AGMO: variants seen among roughly 807,000 people sequenced by gnomAD.
AGMO encodes glyceryl-ether monooxygenase.
AGMO carries 75 observed loss-of-function variants against 60.2 expected under a neutral mutation model. The observed-to-expected ratio is 1.25, with a 90% CI of 1.03 to 1.51. The LOEUF (loss-of-function observed/expected upper bound fraction) is 1.51. Among genes scored for constraint, AGMO ranks in the 40% most tolerant of loss-of-function variants. AGMO has a pLI of 0.00. For missense variants in AGMO, 763 were observed against 525.5 expected (o/e 1.45, Z -4.42); for synonymous variants, 261 against 177.1 (o/e 1.47, Z -3.76).
chr7:15,351,334 TGAAAGA>T (rs148639872), intron 12 of AGMO, among the ~76,000 whole-genome samples: 49 of 152,254 alleles, frequency 3.2e-4, no homozygotes, highest in African/African-American at 1.2e-3. Context: ...TTGCAAGACT[TGAAAGA>T]GATATAACAT....
chr7:15,180,736 A>G, the AGMO span, among the ~76,000 whole-genome samples: 2 of 152,166 alleles, frequency 1.3e-5, 1 homozygote, highest in Admixed American at 1.3e-4. Flanking sequence ...GGTGTTTGTA[A>G]CAGCAGCAGC....
At chr7:15,494,076 G>C (rs112838590) in intron 3 of AGMO, among the ~76,000 whole-genome samples, 2 of 152,198 alleles carry the variant, frequency 1.3e-5, no homozygotes, top group South Asian at 4.2e-4. Flanking sequence ...GGGTTAAGGA[G>C]TTTAAGGTCA....
At chr7:15,256,575 G>A (rs978796931) in intron 12 of AGMO, among the ~76,000 whole-genome samples, 2 of 152,122 alleles carry the variant, frequency 1.3e-5, no homozygotes, top group African/African-American at 4.8e-5. Flanking sequence ...TATTAGCCAG[G>A]ATGGTCTAGA....
intron 12 of AGMO, among the ~76,000 whole-genome samples, chr7:15,284,127 T>C (rs560188146): frequency 4.6e-5 from 7 of 152,080 alleles, no homozygotes; most frequent in African/African-American, 1.7e-4. Context: ...CATCAAAAAG[T>C]ATAAAAGATC....
intron 10 of AGMO, among the ~76,000 whole-genome samples, chr7:15,374,856 T>C (rs760288518): frequency 2.6e-5 from 4 of 151,920 alleles, no homozygotes; most frequent in Non-Finnish European, 5.9e-5. Context: ...GGAAGAGTTA[T>C]GCATAGAGAA....
At chr7:15,273,181 T>C (rs546519281) in intron 12 of AGMO, among the ~76,000 whole-genome samples, 1 of 152,334 alleles carries the variant, frequency 6.6e-6, no homozygotes, top group African/African-American at 2.4e-5. Flanking sequence ...CTTTTGGTGT[T>C]TTAGGCATGA....
intron 2 of AGMO, among the ~76,000 whole-genome samples, chr7:15,553,866 C>G (rs1436938151): frequency 1.3e-5 from 2 of 152,064 alleles, no homozygotes; most frequent in African/African-American, 4.8e-5. Flanking sequence ...TGAAATATGC[C>G]TAACATACTA....
chr7:15,392,315 C>CCGCG (rs1784176515), intron 6 of AGMO, among the ~76,000 whole-genome samples: 1 of 129,452 alleles, frequency 7.7e-6, no homozygotes, highest in Admixed American at 7.4e-5. Context: ...ACCTCGTGAT[C>CCGCG]CGCGATCCGC....
chr7:15,517,549 G>A lies in AGMO; in HGVS notation c.409+27223C>T, dbSNP rs149368185. Among the ~76,000 whole-genome samples, 597 of 151,710 alleles carry A rather than the reference G, an allele frequency of 3.9e-3. 4 individuals carry two copies. Among genetic ancestry groups the A allele is most frequent in the East Asian group, 0.027 (138 of 5,078 alleles). On this transcript the variant is annotated intron_variant, in intron 3 of 12. Transcript: ENST00000342526. ...AGCAGGGTGGGGCATCGCCTCACCC[G>A]GGAAGTGCAAGGGGTCAGGAACTCC...
intron 3 of AGMO, among the ~76,000 whole-genome samples, chr7:15,494,854 G>A (rs534201708): frequency 4.6e-5 from 7 of 152,342 alleles, no homozygotes; most frequent in Admixed American, 3.9e-4. Flanking sequence ...TCTCTCGCAA[G>A]CCTGTTGCAA....
At chr7:15,231,672 T>C (rs1201197823) in intron 12 of AGMO, among the ~76,000 whole-genome samples, 5 of 152,208 alleles carry the variant, frequency 3.3e-5, no homozygotes. Context: ...CAGACCTGGG[T>C]TAAGATTATA....
chr7:15,171,400 C>G, the AGMO span, among the ~76,000 whole-genome samples: 1 of 152,172 alleles, frequency 6.6e-6, no homozygotes, highest in African/African-American at 2.4e-5. Flanking sequence ...TGATCACCCA[C>G]CACAGTAGTA....
At chr7:15,266,076 G>C (rs1001268489) in intron 12 of AGMO, among the ~76,000 whole-genome samples, 3 of 152,072 alleles carry the variant, frequency 2.0e-5, no homozygotes, top group African/African-American at 7.2e-5. Flanking sequence ...GCTACTTATA[G>C]TAGTCAAAAT....
At chr7:15,323,716 C>G (rs1249589912) in intron 12 of AGMO, among the ~76,000 whole-genome samples, 2 of 152,210 alleles carry the variant, frequency 1.3e-5, no homozygotes, top group Non-Finnish European at 2.9e-5. Context: ...AAAAGACTGC[C>G]TCCTGACTCT....
intron 3 of AGMO, among the ~76,000 whole-genome samples, chr7:15,474,054 A>T (rs1460098044): frequency 2.6e-5 from 4 of 152,142 alleles, no homozygotes; most frequent in Non-Finnish European, 5.9e-5. Context: ...ACCAGAGAGG[A>T]CACAAACAAA....
the AGMO span, among the ~76,000 whole-genome samples, chr7:15,165,862 T>C: frequency 1.3e-5 from 2 of 152,186 alleles, no homozygotes; most frequent in African/African-American, 4.8e-5. Flanking sequence ...AAGCATATTA[T>C]TGCTCCATAG....
At chr7:15,154,220 T>C in the AGMO span, among the ~76,000 whole-genome samples, 1 of 152,190 alleles carries the variant, frequency 6.6e-6, no homozygotes, top group Non-Finnish European at 1.5e-5. Context: ...TTAGTAGCTC[T>C]GCTATATATC....
intron 12 of AGMO, among the ~76,000 whole-genome samples, chr7:15,314,735 A>T (rs1237643790): frequency 6.6e-6 from 1 of 152,166 alleles, no homozygotes; most frequent in Non-Finnish European, 1.5e-5. Context: ...ACCTTATATG[A>T]CTTTGGGACT....
Position 15,360,799 on chromosome 7 carries a change from G to A in AGMO, c.1263+4715C>T, listed in dbSNP as rs1782721255. 2.0e-5 allele frequency among the ~76,000 whole-genome samples: 3 copies of A among 152,154 alleles called. No homozygotes were observed. In the South Asian group the frequency reaches 6.2e-4, roughly 32 times the overall value. On this transcript the variant is annotated intron_variant, in intron 12 of 12. Coordinates refer to ENST00000342526, the MANE Select transcript of AGMO (RefSeq NM_001004320.2). The stretch of plus-strand genomic sequence containing the variant: ...ATCCAAAAGCTATAATAACTGCCAG[G>A]ATATGGTCAATTCTTAAGGCAGGCA...
Sources: allele counts gnomAD v4.1 joint callset (sites outside exome capture counted in the v4.1 genomes callset), GRCh38; gene constraint gnomAD v4.1.1; transcripts MANE v1.5; gene names NCBI Gene and HGNC (gene_info 2026-07-23, HGNC 2026-07-21).